Variants in CABLES1 observed in about 807,000 individuals in gnomAD.
CABLES1 encodes CDK5 and ABL1 enzyme substrate 1.
CABLES1 carries 36 observed loss-of-function variants against 57.8 expected under a neutral mutation model. The observed-to-expected ratio is 0.62, with a 90% CI of 0.48 to 0.82. The LOEUF (loss-of-function observed/expected upper bound fraction) is 0.82, where lower values mean the gene tolerates loss of function less well. Among genes scored for constraint, CABLES1 ranks in the 40% least tolerant of loss-of-function variants. The pLI is 0.00. For synonymous variants in CABLES1, 374 were observed against 363.0 expected (o/e 1.03, Z -0.35); for missense variants, 767 against 836.6 (o/e 0.92, Z 1.03).
chr18:23,203,809 C>T (rs747627630), intron 3 of CABLES1, among the ~76,000 whole-genome samples: 1 of 152,186 alleles, frequency 6.6e-6, no homozygotes, highest in Non-Finnish European at 1.5e-5. Context: ...TGATAGAAGT[C>T]AAGCATCTTC....
intron 1 of CABLES1, among the ~76,000 whole-genome samples, chr18:23,181,856 G>A (rs1053188151): frequency 2.6e-5 from 4 of 152,226 alleles, no homozygotes; most frequent in African/African-American, 9.7e-5. Context: ...GTGTTAATAA[G>A]TTGTTTCTAT....
In CABLES1 at chr18:23,191,705, G is replaced by A. The variant is rs145372213; in HGVS notation, c.918-2743G>A. Among the ~76,000 whole-genome samples, 8 of 152,166 alleles carry A rather than the reference G, an allele frequency of 5.3e-5. No individual in the cohort carries two copies. The East Asian group carries it at 1.4e-3, about 26-fold the overall frequency. ...AAATTAGTTTTTAATTTAATTCTATGCTAATTTAATTTTGCATCACTTAAA... is the reference window on the plus strand; with the variant it reads ...AAATTAGTTTTTAATTTAATTCTATACTAATTTAATTTTGCATCACTTAAA... On this transcript the variant is annotated intron_variant, in intron 2 of 9. Transcript: ENST00000256925.
At chr18:23,196,438 G>T (rs77594555) in intron 3 of CABLES1, among the ~76,000 whole-genome samples, 6,388 of 152,278 alleles carry the variant, frequency 0.042, 154 homozygotes, top group Middle Eastern at 0.082. Flanking sequence ...AGGAGGGATT[G>T]TCCTTAGACA....
At chr18:23,210,060 C>T (rs913528465) in intron 3 of CABLES1, among the ~76,000 whole-genome samples, 1 of 152,186 alleles carries the variant, frequency 6.6e-6, no homozygotes, top group African/African-American at 2.4e-5. Flanking sequence ...CGTTAGCTTC[C>T]GAGCACTCAT....
chr18:23,227,599 C>T (rs867009779), intron 4 of CABLES1, among the ~76,000 whole-genome samples: 16 of 152,112 alleles, frequency 1.1e-4, no homozygotes, highest in African/African-American at 3.9e-4. Context: ...TCTCTGAACT[C>T]TGGAGGCACC....
At chr18:23,255,883 G>T (rs1329400147) in intron 9 of CABLES1, among the ~76,000 whole-genome samples, 1 of 152,052 alleles carries the variant, frequency 6.6e-6, no homozygotes, top group Non-Finnish European at 1.5e-5. Context: ...ATCTTTTGAT[G>T]TAACAGATAT....
intron 1 of CABLES1, among the ~76,000 whole-genome samples, chr18:23,163,735 G>C (rs896751741): frequency 8.5e-5 from 13 of 152,270 alleles, no homozygotes; most frequent in Admixed American, 8.5e-4. Context: ...ACTTGACTCT[G>C]TGGTCATTTA....
intron 4 of CABLES1, among the ~76,000 whole-genome samples, chr18:23,224,971 G>T (rs1380918025): frequency 6.6e-6 from 1 of 152,032 alleles, no homozygotes; most frequent in African/African-American, 2.4e-5. Context: ...AGGCTCAAGC[G>T]ATCCTCCTAC....
At chr18:23,170,140 T>C (rs1361006734) in intron 1 of CABLES1, among the ~76,000 whole-genome samples, 1 of 152,206 alleles carries the variant, frequency 6.6e-6, no homozygotes, top group East Asian at 1.9e-4. Flanking sequence ...CATGTGGATG[T>C]ACATATTGTG....
intron 1 of CABLES1, among the ~76,000 whole-genome samples, chr18:23,146,748 G>A (rs1333281303): frequency 1.2e-5 from 1 of 80,134 alleles, no homozygotes. Flanking sequence ...CTGTTTTATG[G>A]ATTTGAAAGT....
At chr18:23,212,977 G>A (rs1166669812) in intron 3 of CABLES1, among the ~76,000 whole-genome samples, 1 of 152,126 alleles carries the variant, frequency 6.6e-6, no homozygotes, top group African/African-American at 2.4e-5. Context: ...ACTTCAGCAC[G>A]GGTAGAACGG....
At chr18:23,169,882 T>A (rs1257575379) in intron 1 of CABLES1, among the ~76,000 whole-genome samples, 1 of 152,060 alleles carries the variant, frequency 6.6e-6, no homozygotes, top group Non-Finnish European at 1.5e-5. Context: ...GAAAACCTCG[T>A]GTTTCCCGTA....
intron 3 of CABLES1, among the ~76,000 whole-genome samples, chr18:23,205,763 G>A (rs2047358770): frequency 6.6e-6 from 1 of 152,206 alleles, no homozygotes; most frequent in African/African-American, 2.4e-5. Flanking sequence ...GATGGCCGAG[G>A]CAGGAGGATC....
chr18:23,162,419 C>A (rs924109024), intron 1 of CABLES1, among the ~76,000 whole-genome samples: 1 of 152,176 alleles, frequency 6.6e-6, no homozygotes, highest in Non-Finnish European at 1.5e-5. Flanking sequence ...AGGCATAAAT[C>A]TGACAGTACC....
intron 1 of CABLES1, among the ~76,000 whole-genome samples, chr18:23,179,541 C>T (rs1326189329): frequency 6.6e-6 from 1 of 152,212 alleles, no homozygotes; most frequent in African/African-American, 2.4e-5. Context: ...TGGATGGCAT[C>T]AGGCTGACTG....
At chr18:23,246,645 C>T (rs781173025) in intron 7 of CABLES1, among the ~76,000 whole-genome samples, 1 of 151,684 alleles carries the variant, frequency 6.6e-6, no homozygotes, top group Non-Finnish European at 1.5e-5. Context: ...CCCACCTTGG[C>T]CTCCCAAAGT....
intron 2 of CABLES1, among the ~76,000 whole-genome samples, chr18:23,193,612 C>T (rs1159365684): frequency 6.6e-6 from 1 of 152,198 alleles, no homozygotes; most frequent in East Asian, 1.9e-4. Context: ...ATCGAAAAGT[C>T]ACAGCCCCTT....
intron 4 of CABLES1, among the ~76,000 whole-genome samples, chr18:23,219,506 G>A (rs376210991): frequency 3.9e-5 from 6 of 152,204 alleles, no homozygotes; most frequent in South Asian, 4.1e-4. Flanking sequence ...CCAGCTCCTC[G>A]TGAACTCTCA....
rs555155700 is a variant in CABLES1 at position 23,148,824 on chromosome 18, G to A, written c.845+12217G>A. On this transcript the variant is annotated intron_variant, in intron 1 of 9. Transcript: ENST00000256925. ...AGGAAAACGGGAAGACTTTGAATAG[G>A]CACAGGTGTGAGCAGAGCTGGATTT... 1.0e-3 allele frequency among the ~76,000 whole-genome samples: 159 copies of A among 152,320 alleles called. 1 individual carries two copies. Among genetic ancestry groups the A allele is most frequent in the Non-Finnish European group, 1.5e-3 (101 of 68,034 alleles).
Sources: gnomAD v4.1 joint callset for allele counts (sites outside exome capture counted in the v4.1 genomes callset) on GRCh38, gnomAD v4.1.1 for gene constraint, MANE v1.5 for transcripts, NCBI Gene and HGNC (gene_info 2026-07-23, HGNC 2026-07-21) for gene names.